Variants in FRMPD4 observed in about 807,000 individuals in gnomAD.
FRMPD4 encodes FERM and PDZ domain-containing protein 4.
Under a neutral mutation model 94.1 loss-of-function variants are expected in FRMPD4, and 22 were observed. That is an observed-to-expected ratio of 0.23 (90% CI 0.17 to 0.33). The LOEUF (loss-of-function observed/expected upper bound fraction) is 0.33, where lower values mean the gene tolerates loss of function less well. FRMPD4 is among the 10% of genes least tolerant of loss of function. The pLI is 1.00. For missense variants in FRMPD4, 1,111 were observed against 1,339.9 expected (o/e 0.83, Z 2.67); for synonymous variants, 631 against 548.6 (o/e 1.15, Z -2.10).
At chrX:12,661,423 A>G (rs1247986697) in intron 4 of FRMPD4, among the ~76,000 whole-genome samples, 1 of 111,907 alleles carries the variant, frequency 8.9e-6, no homozygotes, top group Non-Finnish European at 1.9e-5. Flanking sequence ...AGGAGAAACA[A>G]TATCTATAGA....
At chrX:12,576,905 T>C (rs112165679) in intron 2 of FRMPD4, among the ~76,000 whole-genome samples, 98 of 112,245 alleles carry the variant, frequency 8.7e-4, no homozygotes, top group African/African-American at 3.1e-3. Context: ...TTTAATGAGC[T>C]GTGTCTGTCA....
chrX:12,187,214 G>A (rs1351098025), intron 1 of FRMPD4, among the ~76,000 whole-genome samples: 1 of 111,622 alleles, frequency 9.0e-6, no homozygotes, highest in African/African-American at 3.3e-5. Context: ...ACTTCTCAGT[G>A]GGATTCCAGT....
intron 3 of FRMPD4, among the ~76,000 whole-genome samples, chrX:12,066,158 A>T (rs1225680552): frequency 8.9e-6 from 1 of 112,229 alleles, no homozygotes; most frequent in Admixed American, 9.5e-5. Flanking sequence ...ATTAACTCAA[A>T]TAAATTAAAT....
intron 3 of FRMPD4, among the ~76,000 whole-genome samples, chrX:11,885,363 G>T (rs1298508074): frequency 9.0e-6 from 1 of 110,819 alleles, no homozygotes; most frequent in Non-Finnish European, 1.9e-5. Context: ...TAGAGACAGA[G>T]AGTAGACTGG....
At chrX:12,595,737 GT>G (rs1335655843) in intron 2 of FRMPD4, among the ~76,000 whole-genome samples, 1 of 112,177 alleles carries the variant, frequency 8.9e-6, no homozygotes, top group Non-Finnish European at 1.9e-5. Context: ...AACTCTAAAT[GT>G]TCAGGTAGGA....
At chrX:12,485,770 A>T (rs1253918687) in intron 1 of FRMPD4, among the ~76,000 whole-genome samples, 1 of 110,979 alleles carries the variant, frequency 9.0e-6, no homozygotes, top group Non-Finnish European at 1.9e-5. Flanking sequence ...TTAGCCAGGC[A>T]TGGTGGCATG....
intron 2 of FRMPD4, among the ~76,000 whole-genome samples, chrX:12,588,364 A>G (rs1005737974): frequency 2.7e-5 from 3 of 112,407 alleles, no homozygotes; most frequent in Admixed American, 9.4e-5. Context: ...CCCTTTGGGT[A>G]TAAGGTAAGA....
intron 1 of FRMPD4, among the ~76,000 whole-genome samples, chrX:12,282,996 A>G (rs1312791472): frequency 8.8e-6 from 1 of 113,086 alleles, no homozygotes; most frequent in African/African-American, 3.2e-5. Flanking sequence ...CCTCACCCAT[A>G]CTAGCCACAT....
chrX:11,941,242 C>T lies in FRMPD4; in HGVS notation c.95+63224C>T, dbSNP rs1250671309. ...CCTCAGATGGAAATGCAGAAATCACCGTCTTCTGCGTCGCTCACGCTGGGA... is the reference window on the plus strand; with the variant it reads ...CCTCAGATGGAAATGCAGAAATCACTGTCTTCTGCGTCGCTCACGCTGGGA... On this transcript the variant is annotated intron_variant, in intron 3 of 18. Transcript: ENST00000640291. Among the ~76,000 whole-genome samples, 2 of 51,397 alleles carry T rather than the reference C, an allele frequency of 3.9e-5. 1 individual carries two copies. Among genetic ancestry groups the T allele is most frequent in the Non-Finnish European group, 9.3e-5 (2 of 21,556 alleles). The allele number at this position is 51,397 out of a possible 115,157, so 44.6% of individuals were successfully genotyped here. A position where few individuals can be genotyped will look rare whatever the true frequency, so the allele number is the denominator to read the frequency against.
chrX:12,578,259 A>G (rs986628245), intron 2 of FRMPD4, among the ~76,000 whole-genome samples: 7 of 112,797 alleles, frequency 6.2e-5, no homozygotes, highest in African/African-American at 2.3e-4. Context: ...GGAGGTCCCA[A>G]TCTAGCTGCA....
rs537135272 is a variant in FRMPD4, at chrX:12,537,576, T to C, written c.158+38780T>C. On this transcript the variant is annotated intron_variant, in intron 2 of 16. Transcript: ENST00000675598. Reference sequence around the variant, plus strand: ...CAAGTGATCCTCCCACTTCAGCCTCTGGAGTATCTGGGACTACATGTGCAT... The same window carrying C: ...CAAGTGATCCTCCCACTTCAGCCTCCGGAGTATCTGGGACTACATGTGCAT... Among the ~76,000 whole-genome samples the C allele has an allele frequency of 6.6e-5, 7 of 105,961 alleles. No individual in the cohort carries two copies. In the South Asian group the frequency reaches 3.1e-3, roughly 47 times the overall value. 92.0% of individuals were successfully genotyped at this position (105,961 alleles called of 115,157 possible).
chrX:12,363,086 T>C (rs1601859835), intron 1 of FRMPD4, among the ~76,000 whole-genome samples: 1 of 112,346 alleles, frequency 8.9e-6, no homozygotes, highest in East Asian at 2.8e-4. Flanking sequence ...GTTTAAGTTC[T>C]TTGTAGATTC....
chrX:12,250,052 G>GTTTGTGTGTT (rs2054015011), intron 1 of FRMPD4, among the ~76,000 whole-genome samples: 3 of 89,107 alleles, frequency 3.4e-5, no homozygotes, highest in Middle Eastern at 5.6e-3. Flanking sequence ...CTCTCTCTGT[G>GTTTGTGTGTT]TGTGTGTGTG....
chrX:12,446,631 A>AG (rs1246358891), intron 1 of FRMPD4, among the ~76,000 whole-genome samples: 1 of 111,386 alleles, frequency 9.0e-6, no homozygotes, highest in Non-Finnish European at 1.9e-5. Context: ...TGGTTTTATA[A>AG]GGGGGAACGC....
intron 1 of FRMPD4, among the ~76,000 whole-genome samples, chrX:12,473,377 C>T (rs1322033651): frequency 9.1e-6 from 1 of 109,884 alleles, no homozygotes; most frequent in African/African-American, 3.5e-5. Flanking sequence ...ATTGTAAAGA[C>T]CATCAAGGCT....
intron 2 of FRMPD4, among the ~76,000 whole-genome samples, chrX:12,505,752 G>GA (rs990069441): frequency 2.2e-5 from 2 of 89,152 alleles, no homozygotes; most frequent in African/African-American, 7.8e-5. Flanking sequence ...AAAAAAAAGG[G>GA]GGGGAGAGCA....
At chrX:12,539,741 C>A (rs1393289191) in intron 2 of FRMPD4, among the ~76,000 whole-genome samples, 2 of 110,717 alleles carry the variant, frequency 1.8e-5, no homozygotes, top group East Asian at 2.8e-4. Flanking sequence ...TCAAGCGATT[C>A]TCCTGCCTCA....
At chrX:12,708,719 G>A (rs2041927052) in intron 13 of FRMPD4, among the ~76,000 whole-genome samples, 1 of 111,983 alleles carries the variant, frequency 8.9e-6, no homozygotes, top group South Asian at 3.7e-4. Flanking sequence ...TAGCCAGGGA[G>A]GACCCAGCCC....
At chrX:12,500,487 T>G (rs1453977440) in intron 2 of FRMPD4, among the ~76,000 whole-genome samples, 5 of 111,001 alleles carry the variant, frequency 4.5e-5, no homozygotes, top group African/African-American at 1.6e-4. Context: ...TCCCTAGAAT[T>G]GCTGCACAGG....
Sources: gnomAD v4.1 joint callset for allele counts (sites outside exome capture counted in the v4.1 genomes callset) on GRCh38, gnomAD v4.1.1 for gene constraint, MANE v1.5 for transcripts, NCBI Gene and HGNC (gene_info 2026-07-23, HGNC 2026-07-21) for gene names.